STK3: variants seen among roughly 807,000 people sequenced by gnomAD.
The protein encoded by STK3 is serine/threonine-protein kinase 3.
Under a neutral mutation model 58.0 loss-of-function variants are expected in STK3, and 41 were observed. The ratio of observed to expected loss-of-function variants is 0.71; its 90% CI spans 0.55 to 0.92. STK3 has a LOEUF of 0.92. STK3 is among the 40% of genes least tolerant of loss of function. The probability of loss-of-function intolerance (pLI) is 0.00; values close to 1 mark genes in which losing one functional copy is unlikely to be tolerated. For missense variants in STK3, 479 were observed against 602.7 expected (o/e 0.79, Z 2.15); for synonymous variants, 170 against 191.0 (o/e 0.89, Z 0.91).
chr8:98,637,273 G>A (rs755827784), intron 6 of STK3, among the ~76,000 whole-genome samples: 1 of 151,868 alleles, frequency 6.6e-6, no homozygotes, highest in Non-Finnish European at 1.5e-5. Flanking sequence ...CTCCTTTCCT[G>A]TATAAGACCA....
intron 8 of STK3, among the ~76,000 whole-genome samples, chr8:98,568,199 T>C (rs961718571): frequency 3.9e-5 from 6 of 152,154 alleles, no homozygotes; most frequent in Non-Finnish European, 8.8e-5. Context: ...AAATGGAGAT[T>C]AGAACACACA....
intron 6 of STK3, among the ~76,000 whole-genome samples, chr8:98,701,214 A>C (rs977114815): frequency 4.3e-4 from 66 of 152,164 alleles, no homozygotes; most frequent in African/African-American, 1.4e-3. Context: ...GGGAAAAGAA[A>C]GGAAAGGAAA....
intron 8 of STK3, among the ~76,000 whole-genome samples, chr8:98,562,388 C>A (rs904985197): frequency 6.6e-6 from 1 of 151,640 alleles, no homozygotes; most frequent in South Asian, 2.1e-4. Flanking sequence ...TTACAAAAAA[C>A]GTAGTGTTAA....
At chr8:98,355,040 C>A in the STK3 span, among the ~76,000 whole-genome samples, 3 of 152,146 alleles carry the variant, frequency 2.0e-5, no homozygotes, top group Admixed American at 6.5e-5. Flanking sequence ...ATCAACCTCC[C>A]AAAGTGCTGG....
chr8:98,610,089 T>C (rs1817073920), intron 6 of STK3, among the ~76,000 whole-genome samples: 1 of 151,976 alleles, frequency 6.6e-6, no homozygotes. Flanking sequence ...GTAACTTATC[T>C]TAGTAATAAA....
intron 1 of STK3, among the ~76,000 whole-genome samples, chr8:98,382,874 C>G (rs1402312736): frequency 1.3e-5 from 2 of 152,218 alleles, no homozygotes; most frequent in East Asian, 3.8e-4. Flanking sequence ...CTTCCCAGGG[C>G]TTGGGCTCCG....
intron 3 of STK3, chr8:98,413,304 C>A: frequency 2.1e-6 from 1 of 465,578 alleles, no homozygotes; most frequent in Non-Finnish European, 4.2e-6. Flanking sequence ...CGCAAGCCAC[C>A]ATGCCTGGCC....
At chr8:98,499,491 A>C (rs1018814052) in intron 10 of STK3, among the ~76,000 whole-genome samples, 2 of 152,230 alleles carry the variant, frequency 1.3e-5, no homozygotes, top group African/African-American at 2.4e-5. Flanking sequence ...TGGGAGGTGC[A>C]TGATAGAAAA....
downstream of STK3, among the ~76,000 whole-genome samples, chr8:98,453,813 A>G (rs1359097141): frequency 6.6e-6 from 1 of 152,168 alleles, no homozygotes; most frequent in Admixed American, 6.5e-5. Flanking sequence ...GATGACAGCA[A>G]ATCAGTCATT....
intron 2 of STK3, among the ~76,000 whole-genome samples, chr8:98,374,472 A>G (rs1817652247): frequency 6.6e-6 from 1 of 152,262 alleles, no homozygotes; most frequent in African/African-American, 2.4e-5. Context: ...CTGAAACATT[A>G]GTTCAAATGT....
intron 1 of STK3, among the ~76,000 whole-genome samples, chr8:98,385,478 C>T (rs1817781151): frequency 6.6e-6 from 1 of 152,086 alleles, no homozygotes; most frequent in Non-Finnish European, 1.5e-5. Context: ...AACTAAGGGC[C>T]AACCGAAGAA....
chr8:98,783,662 T>C (rs572698496), intron 1 of STK3, among the ~76,000 whole-genome samples: 1 of 152,372 alleles, frequency 6.6e-6, no homozygotes, highest in Admixed American at 6.5e-5. Context: ...CTCTATAGCA[T>C]GTGATGCTGT....
At chr8:98,616,594 T>A in intron 6 of STK3, among the ~76,000 whole-genome samples, 1 of 139,316 alleles carries the variant, frequency 7.2e-6, no homozygotes, top group Non-Finnish European at 1.6e-5. Context: ...ACACATAGGC[T>A]CAAAATAAAA....
At chr8:98,868,968 C>G (rs1436221230) in intron 3 of STK3, among the ~76,000 whole-genome samples, 1 of 137,762 alleles carries the variant, frequency 7.3e-6, no homozygotes, top group Non-Finnish European at 1.5e-5. Flanking sequence ...CAGCATGAGA[C>G]CTTGACTCAA....
intron 8 of STK3, among the ~76,000 whole-genome samples, chr8:98,562,341 T>G (rs972780310): frequency 1.3e-5 from 2 of 151,942 alleles, no homozygotes; most frequent in African/African-American, 4.8e-5. Context: ...AGTGATAAAA[T>G]GGGCTATTAA....
intron 4 of STK3, among the ~76,000 whole-genome samples, chr8:98,745,605 G>A (rs1205661227): frequency 6.6e-6 from 1 of 151,602 alleles, no homozygotes; most frequent in African/African-American, 2.4e-5. Flanking sequence ...TAGCAATAAG[G>A]GCTGCTTTTC....
rs1244459117 is a variant in STK3, at chr8:98,706,524, A to G, written c.627T>C (p.Ile209=). The change falls in exon 6 of 11, where the codon ATT becomes ATC. Residue 209 remains isoleucine, a synonymous_variant. Coordinates refer to ENST00000419617, the MANE Select transcript of STK3 (RefSeq NM_006281.4). ...NCVADIWSLG[I]TSIEMAEGKP... ...TTCCTTCAGCCATTTCTATAGAAGTAATGCCAAGGGACCAGATGTCGGCCA... is the reference window on the plus strand; with the variant it reads ...TTCCTTCAGCCATTTCTATAGAAGTGATGCCAAGGGACCAGATGTCGGCCA... The G allele has an allele frequency of 1.2e-6, 2 of 1,613,848 alleles. No homozygotes were observed. Among genetic ancestry groups the G allele is most frequent in the African/African-American group, 2.7e-5 (2 of 74,936 alleles).
intron 1 of STK3, among the ~76,000 whole-genome samples, chr8:98,890,218 T>C (rs1838144408): frequency 6.6e-6 from 1 of 152,200 alleles, no homozygotes; most frequent in Non-Finnish European, 1.5e-5. Context: ...ACACCTGGGC[T>C]TGGCAAGGAA....
chr8:98,855,206 A>G (rs1185231165), intron 3 of STK3, among the ~76,000 whole-genome samples: 1 of 152,272 alleles, frequency 6.6e-6, no homozygotes, highest in Non-Finnish European at 1.5e-5. Flanking sequence ...AGGGATCCAG[A>G]GTAGCCAAAA....
Sources: allele counts gnomAD v4.1 joint callset (sites outside exome capture counted in the v4.1 genomes callset), GRCh38; gene constraint gnomAD v4.1.1; transcripts MANE v1.5; gene names NCBI Gene and HGNC (gene_info 2026-07-23, HGNC 2026-07-21).